The following PCP4 variants were observed in gnomAD, a reference collection of about 807,000 sequenced individuals.
PCP4 encodes Purkinje cell protein 4.
PCP4 carries 8 observed loss-of-function variants against 10.0 expected under a neutral mutation model. The observed-to-expected ratio is 0.80, with a 90% CI of 0.47 to 1.45. PCP4 has a LOEUF of 1.45. Among genes scored for constraint, PCP4 ranks in the 40% most tolerant of loss-of-function variants. The pLI is 0.00. For synonymous variants in PCP4, 21 were observed against 23.0 expected (o/e 0.91, Z 0.24); for missense variants, 54 against 74.4 (o/e 0.73, Z 1.01).
At chr21:39,888,042 G>A (rs937159258) in intron 1 of PCP4, among the ~76,000 whole-genome samples, 1 of 152,156 alleles carries the variant, frequency 6.6e-6, no homozygotes, top group African/African-American at 2.4e-5. Context: ...ACTGCTTGTC[G>A]AGATGCTGCC....
At chr21:39,879,936 T>G (rs1030793804) in intron 1 of PCP4, among the ~76,000 whole-genome samples, 8 of 152,162 alleles carry the variant, frequency 5.3e-5, no homozygotes, top group African/African-American at 1.9e-4. Flanking sequence ...GCCAGGGCCC[T>G]TCTGAGAGTG....
At chr21:39,888,151 G>T (rs549079631) in intron 1 of PCP4, among the ~76,000 whole-genome samples, 4 of 152,164 alleles carry the variant, frequency 2.6e-5, no homozygotes, top group African/African-American at 9.7e-5. Flanking sequence ...AATAACTTAC[G>T]AGAAGACACA....
chr21:39,886,115 T>C (rs1392936469), intron 1 of PCP4, among the ~76,000 whole-genome samples: 3 of 152,154 alleles, frequency 2.0e-5, no homozygotes, highest in Non-Finnish European at 2.9e-5. Flanking sequence ...CTTTACTCGA[T>C]TGCAAAGATG....
intron 1 of PCP4, among the ~76,000 whole-genome samples, chr21:39,891,360 T>C (rs1052101372): frequency 6.6e-6 from 1 of 152,166 alleles, no homozygotes; most frequent in Non-Finnish European, 1.5e-5. Context: ...CTCCACCCCT[T>C]GCCTTGGGGC....
intron 2 of PCP4, among the ~76,000 whole-genome samples, chr21:39,927,287 T>TATC (rs1332657963): frequency 9.4e-6 from 1 of 106,416 alleles, no homozygotes; most frequent in Non-Finnish European, 2.1e-5. Context: ...CTGATCTATC[T>TATC]ATCTATCTAT....
At chr21:39,894,310 T>A (rs1299935794) in intron 1 of PCP4, among the ~76,000 whole-genome samples, 1 of 152,166 alleles carries the variant, frequency 6.6e-6, no homozygotes, top group Admixed American at 6.5e-5. Context: ...TATCAACCCA[T>A]GCTCTTCTTA....
intron 2 of PCP4, among the ~76,000 whole-genome samples, chr21:39,918,573 T>C (rs933227534): frequency 6.6e-6 from 1 of 152,282 alleles, no homozygotes; most frequent in South Asian, 2.1e-4. Flanking sequence ...GGCACTAACT[T>C]GGTAAATGGA....
rs1016951010 is a variant in PCP4 at position 39,880,178 on chromosome 21, ATATCTATATC to A, written c.9+12682_9+12691del. 3.1e-3 allele frequency among the ~76,000 whole-genome samples: 436 copies of A among 141,522 alleles called. 1 individual carries two copies. The highest frequency in any genetic ancestry group is 5.6e-3 in the Non-Finnish European group (367 of 65,118). 92.8% of individuals were successfully genotyped at this position (141,522 alleles called of 152,430 possible). On this transcript the variant is annotated intron_variant, in intron 1 of 2. Transcript: ENST00000328619. ...TATATCTATATCTATATCTATATCT[ATATCTATATC>A]TATCTATATCTATTCCCTGTCCAAG...
chr21:39,913,180 C>A (rs7275479), intron 2 of PCP4, among the ~76,000 whole-genome samples: 1 of 152,088 alleles, frequency 6.6e-6, no homozygotes, highest in South Asian at 2.1e-4. Flanking sequence ...TAAAATGACC[C>A]ATCTTTAAAA....
chr21:39,882,637 G>C (rs547204488), intron 1 of PCP4, among the ~76,000 whole-genome samples: 1 of 152,220 alleles, frequency 6.6e-6, no homozygotes, highest in South Asian at 2.1e-4. Flanking sequence ...GGACAGGCAG[G>C]CATCCTTAGT....
intron 2 of PCP4, among the ~76,000 whole-genome samples, chr21:39,905,309 C>A (rs961703378): frequency 1.3e-5 from 2 of 152,050 alleles, no homozygotes; most frequent in African/African-American, 4.8e-5. Context: ...GTCCTTTGTG[C>A]TTTCGGCTCC....
intron 1 of PCP4, among the ~76,000 whole-genome samples, chr21:39,882,173 T>C (rs2087379135): frequency 6.6e-6 from 1 of 152,240 alleles, no homozygotes; most frequent in African/African-American, 2.4e-5. Context: ...GCTCTAAATA[T>C]GGGCTTCTCT....
chr21:39,882,004 T>C (rs2087378314), intron 1 of PCP4, among the ~76,000 whole-genome samples: 1 of 152,242 alleles, frequency 6.6e-6, no homozygotes, highest in Non-Finnish European at 1.5e-5. Context: ...ATAAAGGCAG[T>C]AGCCACCTTG....
intron 2 of PCP4, chr21:39,926,184 C>A: frequency 2.7e-6 from 1 of 366,836 alleles, no homozygotes; most frequent in South Asian, 2.0e-5. Context: ...AGTAGCGATT[C>A]CTTAAATGTT....
rs1021547263 is a variant in PCP4 at position 39,924,175 on chromosome 21, C to T, written c.62-4809C>T. ...ACCCTGAGGCTGGAGAGCCACCTTA[C>T]TGCCCACGTCCCCTTCACTGGCCTT... On this transcript the variant is annotated intron_variant, in intron 2 of 2. Transcript: ENST00000328619. Among the ~76,000 whole-genome samples the T allele has an allele frequency of 3.3e-5, 5 of 152,304 alleles. No homozygotes were observed. The East Asian group carries it at 9.7e-4, about 29-fold the overall frequency.
intron 1 of PCP4, among the ~76,000 whole-genome samples, chr21:39,879,806 T>C (rs1482333101): frequency 1.3e-5 from 2 of 152,168 alleles, no homozygotes; most frequent in Non-Finnish European, 2.9e-5. Context: ...TAAAAGCCTG[T>C]GACAGGGAGT....
intron 2 of PCP4, among the ~76,000 whole-genome samples, chr21:39,925,741 G>A (rs2087617920): frequency 6.6e-6 from 1 of 152,110 alleles, no homozygotes; most frequent in Admixed American, 6.5e-5. Context: ...TACTGCTCGT[G>A]GGTCCCCGCC....
intron 1 of PCP4, among the ~76,000 whole-genome samples, chr21:39,878,177 G>C (rs746419762): frequency 1.4e-4 from 21 of 152,084 alleles, no homozygotes; most frequent in Non-Finnish European, 2.2e-4. Flanking sequence ...AGAGCTACAG[G>C]CCTATTCTCT....
At position 39,898,501 on chromosome 21, in the gene PCP4, G is replaced by A. The variant is rs1466708511; in HGVS notation, c.35G>A (p.Gly12Glu). Residue 12 changes from glycine to glutamate, a missense_variant, in exon 2 of 3, where the codon GGA (glycine) becomes GAA (glutamate). Gly to Glu is a moderately conservative substitution (Grantham distance 98, BLOSUM62 -2). Transcript: ENST00000328619. ...SERQGAGATN[G>E]KDKTSGENDG... ...CGACAAGGTGCTGGGGCAACCAATG[G>A]AAAAGACAAGACATCTGGTGAAAAT... 1.2e-6 allele frequency: 2 copies of A among 1,613,894 alleles called. No individual in the cohort carries two copies. The highest frequency in any genetic ancestry group is 1.7e-6 in the Non-Finnish European group (2 of 1,179,948).
Sources: allele counts gnomAD v4.1 joint callset (sites outside exome capture counted in the v4.1 genomes callset), GRCh38; gene constraint gnomAD v4.1.1; transcripts MANE v1.5; gene names NCBI Gene and HGNC (gene_info 2026-07-23, HGNC 2026-07-21).